The following ESYT1 variants were observed in gnomAD, a reference collection of about 807,000 sequenced individuals.
The protein encoded by ESYT1 is extended synaptotagmin-1.
ESYT1 carries 116 observed loss-of-function variants against 154.2 expected under a neutral mutation model. The ratio of observed to expected loss-of-function variants is 0.75; its 90% confidence interval spans 0.65 to 0.88. The LOEUF (loss-of-function observed/expected upper bound fraction) is 0.88, where lower values mean the gene tolerates loss of function less well. Ranked by LOEUF, ESYT1 falls within the 40% of genes least tolerant of loss-of-function variation. The probability of loss-of-function intolerance (pLI) is 0.00; values close to 1 mark genes in which losing one functional copy is unlikely to be tolerated. For synonymous variants in ESYT1, 500 were observed against 539.9 expected (o/e 0.93, Z 1.02); for missense variants, 1,264 against 1,379.3 (o/e 0.92, Z 1.32).
chr12:56,136,274 T>C (rs1232637748), intron 15 of ESYT1, among the ~76,000 whole-genome samples: 1 of 151,970 alleles, frequency 6.6e-6, no homozygotes, highest in African/African-American at 2.4e-5. Context: ...GAATGAGGAC[T>C]TTCCAAATAG....
rs1565877581 is a variant in ESYT1, at chr12:56,143,111, C to A, written c.3082C>A (p.Gln1028Lys). ...CCGAGGCACCAAGAGGAGGACCTCA[C>A]AGAAGAAGAGGACCCTGAGTCCTGA... is the stretch of plus-strand genomic sequence containing the variant. The part of the protein sequence containing the change: ...KNRGTKRRTS[Q>K]KKRTLSPEFN... Residue 1028 changes from glutamine (Q) to lysine (K), a missense_variant, in exon 28 of 31, where the codon CAG becomes AAG. Coordinates refer to ENST00000394048, the MANE Select transcript of ESYT1 (RefSeq NM_015292.3). The A allele has an allele frequency of 6.2e-7, 1 of 1,614,164 alleles. No homozygotes were observed. Among genetic ancestry groups the A allele is most frequent in the South Asian group, 1.1e-5 (1 of 91,082 alleles).
chr12:56,130,707 T>A, intron 2 of ESYT1, 84 bp downstream of exon 2: 1 of 1,613,028 alleles, frequency 6.2e-7, no homozygotes, highest in East Asian at 2.2e-5. Flanking sequence ...CAACCCTCAG[T>A]GCTCTCCGTG....
chr12:56,143,107 C>T lies in ESYT1; in HGVS notation c.3078C>T (p.Thr1026=), dbSNP rs1870780892. ...AGAACCGAGGCACCAAGAGGAGGACCTCACAGAAGAAGAGGACCCTGAGTC... is the reference window on the plus strand; with the variant it reads ...AGAACCGAGGCACCAAGAGGAGGACTTCACAGAAGAAGAGGACCCTGAGTC... ...PDKNRGTKRR[T]SQKKRTLSPE... is the part of the protein sequence containing the mutation. The change falls in exon 28 of 31, where the codon ACC becomes ACT. Residue 1026 remains threonine, a synonymous_variant. Transcript: ENST00000394048. The T allele has an allele frequency of 6.2e-7, 1 of 1,614,030 alleles. No homozygotes were observed. The highest frequency in any genetic ancestry group is 8.5e-7 in the Non-Finnish European group (1 of 1,180,040).
chr12:56,137,314 A>G lies in ESYT1; in HGVS notation c.1879A>G (p.Ser627Gly). ...VDSENPQRGSSVDAPPRPCHT... is the reference protein window; with the variant it reads ...VDSENPQRGSGVDAPPRPCHT... ...CAGTGAGAATCCCCAGAGAGGCAGC[A>G]GTGTGGATGCCCCACCTCGACCCTG... The change falls in exon 17 of 31, where the codon AGT (serine) becomes GGT (glycine). Residue 627 changes from serine to glycine, a missense_variant. Physicochemically the swap from Ser to Gly is moderately conservative, Grantham distance 56. Coordinates refer to ENST00000394048, the MANE Select transcript of ESYT1 (RefSeq NM_015292.3). The G allele has an allele frequency of 6.2e-7, 1 of 1,614,236 alleles. No individual in the cohort carries two copies. Among genetic ancestry groups the G allele is most frequent in the Non-Finnish European group, 8.5e-7 (1 of 1,180,048 alleles).
chr12:56,130,464 CTGAG>C, intron 1 of ESYT1, 114 bp from the exon 2 acceptor site: 2 of 1,262,530 alleles, frequency 1.6e-6, no homozygotes, highest in East Asian at 2.3e-5. Context: ...CTCGCCCACC[CTGAG>C]TGTGAGGAGT....
At chr12:56,134,971 T>C (rs1035026529) in intron 15 of ESYT1, among the ~76,000 whole-genome samples, 3 of 152,110 alleles carry the variant, frequency 2.0e-5, no homozygotes, top group African/African-American at 7.2e-5. Context: ...CCAGTAAGCA[T>C]TGTGAAAGCA....
Position 56,142,479 on chromosome 12 carries a change from C to T in ESYT1, c.2733+54C>T. The T allele has an allele frequency of 6.2e-7, 1 of 1,606,396 alleles. No homozygotes were observed. On this transcript the variant is annotated intron_variant, in intron 25 of 30. Transcript: ENST00000394048. The surrounding 1 kb of genome is among the most constrained non-coding windows in gnomAD (Gnocchi z 4.1). ...GAGAGGGAGGAGGGGAGGGCCTTCA[C>T]AGGTGAGGGACACCCAGGAGGGTGG... is the stretch of plus-strand genomic sequence containing the variant.
rs765457944 is a variant in ESYT1, at chr12:56,136,826, T to G, written c.1715T>G (p.Leu572Arg). ...CTGCTGACTGCCCCAGAACTCATCC[T>G]GGACCAGTGGTTCCAGCTCAGCAGC... ...ARLLTAPELI[L>R]DQWFQLSSSG... Residue 572 changes from leucine to arginine, a missense_variant, in exon 16 of 31, where the codon CTG becomes CGG. Transcript: ENST00000394048. 1 of 1,613,222 alleles carries G rather than the reference T, an allele frequency of 6.2e-7. No homozygotes were observed. The highest frequency in any genetic ancestry group is 1.3e-5 in the African/African-American group (1 of 75,016).
Position 56,137,921 on chromosome 12 carries a change from G to A in ESYT1, c.2198+7G>A. ...AGGATGATTTTCTGGGCAGGTGAGAGCATAGGAGTCTACGTGAAAAACAGG... is the reference window on the plus strand; with the variant it reads ...AGGATGATTTTCTGGGCAGGTGAGAACATAGGAGTCTACGTGAAAAACAGG... On this transcript the variant is annotated splice_region_variant and intron_variant, in intron 19 of 30. Transcript: ENST00000394048. 1 of 1,614,184 alleles carries A rather than the reference G, an allele frequency of 6.2e-7. No individual in the cohort carries two copies. Among genetic ancestry groups the A allele is most frequent in the Non-Finnish European group, 8.5e-7 (1 of 1,180,008 alleles).
chr12:56,144,238 ACTAGATGGTCAC>A lies in ESYT1; in HGVS notation c.*379_*390del. 1 of 1,108,800 alleles carries A rather than the reference ACTAGATGGTCAC, an allele frequency of 9.0e-7. No individual in the cohort carries two copies. The highest frequency in any genetic ancestry group is 2.8e-5 in the South Asian group (1 of 36,126). The allele number at this position is 1,108,800 out of a possible 1,614,324, so 68.7% of individuals were successfully genotyped here. A position where few individuals can be genotyped will look rare whatever the true frequency, so the allele number is the denominator to read the frequency against. ...CTTTGGAAGGATCTTTTTTTCTTTA[ACTAGATGGTCAC>A]CTTCTTCCCTACCACACATGGGTGG... On this transcript the variant is annotated 3_prime_UTR_variant, in exon 31 of 31. Coordinates refer to ENST00000394048, the MANE Select transcript of ESYT1 (RefSeq NM_015292.3).
chr12:56,132,080 G>A (rs1287195967), intron 7 of ESYT1, 129 bp from the exon 8 acceptor site: 16 of 1,415,162 alleles, frequency 1.1e-5, no homozygotes, highest in South Asian at 9.9e-5. Context: ...TAGAAGAGTA[G>A]CACAAAGGAT....
At position 56,137,668 on chromosome 12, in the gene ESYT1, T is replaced by A. The variant is rs754960505; in HGVS notation, c.2108T>A (p.Val703Asp). Residue 703 changes from valine to aspartate, a missense_variant, in exon 18 of 31, where the codon GTT becomes GAT. Physicochemically the swap from Val to Asp is radical, Grantham distance 152 (BLOSUM62 -3). Transcript: ENST00000394048. ...GATCTCAATCCCCGCTGGAATGAGG[T>A]TTTTGAGGTCAGAATTGAGTGGCTG... ...REDLNPRWNE[V>D]FEVIVTSVPG... 2.5e-6 allele frequency: 4 copies of A among 1,613,582 alleles called. No individual in the cohort carries two copies. The highest frequency in any genetic ancestry group is 1.7e-4 in the Middle Eastern group (1 of 6,048).
chr12:56,130,496 C>CTCTG (rs1870187852), intron 1 of ESYT1, 86 bp from the exon 2 acceptor site: 1 of 1,543,340 alleles, frequency 6.5e-7, no homozygotes, highest in East Asian at 2.2e-5. Context: ...ACTCCCTCTC[C>CTCTG]TCTGTGGCAC....
intron 2 of ESYT1, 65 bp from the exon 3 acceptor site, chr12:56,130,726 T>G: frequency 6.2e-7 from 1 of 1,613,300 alleles, no homozygotes; most frequent in East Asian, 2.2e-5. Flanking sequence ...TGGGGAGGAT[T>G]CTGAAGGAAC....
Position 56,142,867 on chromosome 12 carries a change from A to C in ESYT1, c.2921A>C (p.Gln974Pro). 6.2e-7 allele frequency: 1 copy of C among 1,614,232 alleles called. No homozygotes were observed. Among genetic ancestry groups the C allele is most frequent in the South Asian group, 1.1e-5 (1 of 91,084 alleles). ...GAGGCTCCAGCCGGGCCTCTGGGCCAGGTGAAACTGACTCTGTGGTACTAC... is the reference window on the plus strand; with the variant it reads ...GAGGCTCCAGCCGGGCCTCTGGGCCCGGTGAAACTGACTCTGTGGTACTAC... ...PLEAPAGPLGQVKLTLWYYSE... is the reference protein window; with the variant it reads ...PLEAPAGPLGPVKLTLWYYSE... Residue 974 changes from glutamine to proline, a missense_variant, in exon 27 of 31, where the codon CAG becomes CCG. Coordinates refer to ENST00000394048, the MANE Select transcript of ESYT1 (RefSeq NM_015292.3). The surrounding 1 kb of genome is among the most constrained non-coding windows in gnomAD (Gnocchi z 4.1).
Position 56,131,951 on chromosome 12 carries a change from G to A in ESYT1, c.860+147G>A, listed in dbSNP as rs1241443664. 7 of 1,023,010 alleles carry A rather than the reference G, an allele frequency of 6.8e-6. 2 individuals are homozygous for A. The South Asian group carries it at 1.0e-4, about 15-fold the overall frequency. The allele number at this position is 1,023,010 out of a possible 1,614,324, so 63.4% of individuals were successfully genotyped here. Reference sequence around the variant, plus strand: ...AAAGACAAATACCCCTGCAAAGTTTGATACTGTGATTTTTCTTTGGGTTGG... The same window carrying A: ...AAAGACAAATACCCCTGCAAAGTTTAATACTGTGATTTTTCTTTGGGTTGG... On this transcript the variant is annotated intron_variant, in intron 7 of 30. Coordinates refer to ENST00000394048, the MANE Select transcript of ESYT1 (RefSeq NM_015292.3).
chr12:56,143,322 C>T lies in ESYT1; in HGVS notation c.3214C>T (p.Leu1072=). The change falls in exon 29 of 31, where the codon CTG becomes TTG. Residue 1072 remains leucine, a synonymous_variant. Transcript: ENST00000394048. ...NSSFMSRERE[L]LGKVQLDLAE... ...CTCCTTCATGTCAAGAGAGCGTGAG[C>T]TGCTGGGGAAGGTAAGAGGGCAGGA... is the stretch of plus-strand genomic sequence containing the variant. 2 of 1,614,018 alleles carry T rather than the reference C, an allele frequency of 1.2e-6. No individual in the cohort carries two copies. Among genetic ancestry groups the T allele is most frequent in the Non-Finnish European group, 1.7e-6 (2 of 1,180,002 alleles).
Position 56,132,755 on chromosome 12 carries a change from G to A in ESYT1, c.1198G>A (p.Val400Met). The A allele has an allele frequency of 2.5e-6, 4 of 1,614,194 alleles. No individual in the cohort carries two copies. Among genetic ancestry groups the A allele is most frequent in the Non-Finnish European group, 3.4e-6 (4 of 1,180,030 alleles). ...VHEVPGQEIE[V>M]EVFDKDPDKD... ...CGAGGTCCCAGGGCAGGAGATTGAAGTGGAGGTGTTCGACAAGGATCCAGA... is the reference window on the plus strand; with the variant it reads ...CGAGGTCCCAGGGCAGGAGATTGAAATGGAGGTGTTCGACAAGGATCCAGA... The change falls in exon 10 of 31, where the codon GTG (valine) becomes ATG (methionine). Residue 400 changes from valine to methionine, a missense_variant. By Grantham distance (21) the Val-to-Met change is conservative. Coordinates refer to ENST00000394048, the MANE Select transcript of ESYT1 (RefSeq NM_015292.3).
intron 16 of ESYT1, 59 bp downstream of exon 16, chr12:56,136,952 T>C (rs1421043601): frequency 6.6e-7 from 1 of 1,524,460 alleles, no homozygotes; most frequent in African/African-American, 1.4e-5. Flanking sequence ...TCTTTGGTAT[T>C]AAGAGTAAGG....
Sources: gnomAD v4.1 joint callset for allele counts (sites outside exome capture counted in the v4.1 genomes callset) on GRCh38, gnomAD v4.1.1 for gene constraint, Gnocchi (gnomAD v3.1) non-coding constraint, MANE v1.5 for transcripts, NCBI Gene and HGNC (gene_info 2026-07-23, HGNC 2026-07-21) for gene names.